The following TRABD2B variants were observed in gnomAD, a reference collection of about 807,000 sequenced individuals.
The protein encoded by TRABD2B is metalloprotease TIKI2.
Under a neutral mutation model 40.1 loss-of-function variants are expected in TRABD2B, and 14 were observed. The ratio of observed to expected loss-of-function variants is 0.35; its 90% CI spans 0.23 to 0.55. The LOEUF is 0.55. Among genes scored for constraint, TRABD2B ranks in the 20% least tolerant of loss-of-function variants. TRABD2B has a pLI of 0.90. For missense variants in TRABD2B, 541 were observed against 648.6 expected (o/e 0.83, Z 1.80); for synonymous variants, 263 against 277.0 (o/e 0.95, Z 0.50).
chr1:47,834,960 C>T (rs1645299304), intron 2 of TRABD2B, among the ~76,000 whole-genome samples: 1 of 152,122 alleles, frequency 6.6e-6, no homozygotes, highest in African/African-American at 2.4e-5. Flanking sequence ...AGAAGTTGGA[C>T]TTACTAGGCA....
intron 2 of TRABD2B, among the ~76,000 whole-genome samples, chr1:47,943,225 C>A (rs1645210735): frequency 6.6e-6 from 1 of 152,222 alleles, no homozygotes; most frequent in African/African-American, 2.4e-5. Context: ...GTGTTTAATC[C>A]ATGTTAGGGT....
chr1:47,793,254 G>C, intron 4 of TRABD2B, among the ~76,000 whole-genome samples: 1 of 152,164 alleles, frequency 6.6e-6, no homozygotes. Flanking sequence ...CTTGCCGGAG[G>C]CCACAACAGG....
intron 6 of TRABD2B, among the ~76,000 whole-genome samples, chr1:47,772,885 C>A (rs149648451): frequency 0.013 from 1,905 of 152,288 alleles, 20 homozygotes; most frequent in Non-Finnish European, 0.016. Context: ...TCTTCTCCAA[C>A]CCAATCAGAT....
chr1:47,787,904 G>A (rs1317239181), intron 4 of TRABD2B, among the ~76,000 whole-genome samples: 4 of 152,140 alleles, frequency 2.6e-5, no homozygotes, highest in African/African-American at 4.8e-5. Flanking sequence ...GCCTATGGGA[G>A]CCCAGAAGGG....
intron 2 of TRABD2B, among the ~76,000 whole-genome samples, chr1:47,878,530 CTACGCA>C (rs1483376883): frequency 6.6e-6 from 1 of 152,146 alleles, no homozygotes; most frequent in African/African-American, 2.4e-5. Flanking sequence ...TCTCAGACGT[CTACGCA>C]TACATCATTC....
At chr1:47,795,643 A>T (rs1310658359) in intron 3 of TRABD2B, 5 of 985,006 alleles carry the variant, frequency 5.1e-6, no homozygotes, top group Non-Finnish European at 6.0e-6. Context: ...CAATAAGAGG[A>T]TGGGGGCTGT....
chr1:47,846,800 C>T (rs1443040445), intron 2 of TRABD2B, among the ~76,000 whole-genome samples: 1 of 151,534 alleles, frequency 6.6e-6, no homozygotes, highest in East Asian at 2.0e-4. Context: ...GAGTGATTCA[C>T]ACCTGTAACA....
intron 2 of TRABD2B, among the ~76,000 whole-genome samples, chr1:47,812,502 AG>A (rs1451771629): frequency 6.6e-6 from 1 of 152,138 alleles, no homozygotes; most frequent in Admixed American, 6.5e-5. Context: ...CTGAGGCAGG[AG>A]GATGGCCAGA....
chr1:47,903,863 C>T (rs1644638490), intron 2 of TRABD2B, among the ~76,000 whole-genome samples: 1 of 152,196 alleles, frequency 6.6e-6, no homozygotes, highest in African/African-American at 2.4e-5. Flanking sequence ...CCCAAGAGCA[C>T]TGGGGGCTCA....
At chr1:47,805,351 T>C (rs1467459035) in intron 2 of TRABD2B, among the ~76,000 whole-genome samples, 1 of 152,116 alleles carries the variant, frequency 6.6e-6, no homozygotes, top group Non-Finnish European at 1.5e-5. Flanking sequence ...ATTACAAATA[T>C]ATAAAACAGA....
chr1:47,878,072 T>G (rs1218856639), intron 2 of TRABD2B, among the ~76,000 whole-genome samples: 1 of 151,578 alleles, frequency 6.6e-6, no homozygotes, highest in Admixed American at 6.6e-5. Context: ...CCCAGCACTT[T>G]GGGAGGCTGA....
chr1:47,812,376 G>A lies in TRABD2B; in HGVS notation c.667-10757C>T, dbSNP rs149961988. Among the ~76,000 whole-genome samples the A allele has an allele frequency of 7.9e-4, 120 of 152,270 alleles. 1 individual carries two copies. The highest frequency in any genetic ancestry group is 2.5e-3 in the African/African-American group (105 of 41,554). On this transcript the variant is annotated intron_variant, in intron 2 of 6. Coordinates refer to ENST00000606738, the MANE Select transcript of TRABD2B (RefSeq NM_001194986.2). The stretch of plus-strand genomic sequence containing the variant: ...GGGTTTCTGACCCAGCCTGGGAGTC[G>A]GTGAGGGAATCACAGGCTTCAGCTG...
At chr1:47,801,405 C>T in intron 3 of TRABD2B, 68 bp downstream of exon 3, 1 of 1,462,082 alleles carries the variant, frequency 6.8e-7, no homozygotes, top group Non-Finnish European at 9.2e-7. Context: ...GAGAAGATTA[C>T]CTATGCCTGG....
intron 2 of TRABD2B, among the ~76,000 whole-genome samples, chr1:47,908,549 C>T (rs1044678716): frequency 1.3e-4 from 20 of 152,184 alleles, no homozygotes; most frequent in Admixed American, 1.3e-3. Context: ...ACCCAGTCTG[C>T]ACAGGCTCCT....
rs199656090 is a variant in TRABD2B at position 47,994,147 on chromosome 1, C to A, written c.553G>T (p.Val185Leu). The A allele has an allele frequency of 1.2e-4, 184 of 1,536,336 alleles. No individual in the cohort carries two copies. Among genetic ancestry groups the A allele is most frequent in the Admixed American group, 3.9e-4 (20 of 50,986 alleles). The change falls in exon 2 of 7, where the codon GTG (valine) becomes TTG (leucine). Residue 185 changes from valine to leucine, a missense_variant. Coordinates refer to ENST00000606738, the MANE Select transcript of TRABD2B (RefSeq NM_001194986.2). This position sits in a 1 kb window ranked among gnomAD's most constrained non-coding sequence, Gnocchi z 6.7. ...ERDVRFRGVP[V>L]LDLYLAQQAE... ...TGCTGGGCCAGGTAGAGGTCGAGCACGGGCACACCACGGAAGCGCACGTCC... is the reference window on the plus strand; with the variant it reads ...TGCTGGGCCAGGTAGAGGTCGAGCAAGGGCACACCACGGAAGCGCACGTCC...
intron 4 of TRABD2B, among the ~76,000 whole-genome samples, chr1:47,782,059 T>G (rs947411781): frequency 1.3e-5 from 2 of 152,120 alleles, no homozygotes; most frequent in African/African-American, 4.8e-5. Flanking sequence ...ACCCTGATGG[T>G]TTTGGTAACT....
At chr1:47,937,997 T>A (rs142500765) in intron 2 of TRABD2B, among the ~76,000 whole-genome samples, 1 of 152,140 alleles carries the variant, frequency 6.6e-6, no homozygotes, top group Non-Finnish European at 1.5e-5. Flanking sequence ...TCTCCAACAA[T>A]ATTATGATTC....
chr1:47,801,049 C>T (rs1489744119), intron 3 of TRABD2B, among the ~76,000 whole-genome samples: 12 of 152,130 alleles, frequency 7.9e-5, no homozygotes, highest in African/African-American at 2.4e-4. Context: ...ACTTGCTGCC[C>T]GACCAGCTGG....
chr1:47,916,314 G>T (rs945884288), intron 2 of TRABD2B, among the ~76,000 whole-genome samples: 1 of 152,122 alleles, frequency 6.6e-6, no homozygotes, highest in African/African-American at 2.4e-5. Flanking sequence ...ATCCACTAAG[G>T]AGTCCACTAC....
Sources: gnomAD v4.1 joint callset for allele counts (sites outside exome capture counted in the v4.1 genomes callset) on GRCh38, gnomAD v4.1.1 for gene constraint, Gnocchi (gnomAD v3.1) non-coding constraint, MANE v1.5 for transcripts, NCBI Gene and HGNC (gene_info 2026-07-23, HGNC 2026-07-21) for gene names.